Variants in ARL15 observed in about 807,000 individuals in gnomAD.
The protein encoded by ARL15 is ARF like GTPase 15.
A neutral mutation model predicts 25.2 loss-of-function variants in ARL15; 19 were observed. The observed-to-expected ratio is 0.75, with a 90% CI of 0.53 to 1.10. ARL15 has a LOEUF of 1.10. Among genes scored for constraint, ARL15 ranks in the 50% least tolerant of loss-of-function variants. The pLI, the probability that ARL15 is intolerant of heterozygous loss-of-function variation, is 0.00. For synonymous variants in ARL15, 94 were observed against 86.8 expected (o/e 1.08, Z -0.46); for missense variants, 220 against 246.0 (o/e 0.89, Z 0.71).
chr5:54,113,199 T>C lies in ARL15; in HGVS notation c.462+3A>G, dbSNP rs770235548. Reference sequence around the variant, plus strand: ...AAAGAGTTGTCATGCTAATGAGACATACCTCTTGTACTGAGCGAGCTGCTG... The same window carrying C: ...AAAGAGTTGTCATGCTAATGAGACACACCTCTTGTACTGAGCGAGCTGCTG... On this transcript the variant is annotated splice_donor_region_variant and intron_variant, in intron 4 of 4. Transcript: ENST00000504924. The C allele has an allele frequency of 4.3e-6, 7 of 1,612,638 alleles. No homozygotes were observed. Among genetic ancestry groups the C allele is most frequent in the East Asian group, 4.5e-5 (2 of 44,868 alleles).
At chr5:53,952,254 T>A (rs1746999579) in intron 4 of ARL15, among the ~76,000 whole-genome samples, 1 of 152,102 alleles carries the variant, frequency 6.6e-6, no homozygotes, top group South Asian at 2.1e-4. Flanking sequence ...AGAGTGAGAC[T>A]CTGTCTCAAA....
At chr5:53,936,007 C>T (rs975687829) in intron 4 of ARL15, among the ~76,000 whole-genome samples, 3 of 152,098 alleles carry the variant, frequency 2.0e-5, no homozygotes, top group Non-Finnish European at 4.4e-5. Context: ...CCTCAGCCTC[C>T]CAAAGTGCTG....
chr5:54,161,989 A>G (rs1754414913), intron 2 of ARL15, among the ~76,000 whole-genome samples: 1 of 69,102 alleles, frequency 1.4e-5, no homozygotes, highest in Non-Finnish European at 2.6e-5. Context: ...CTTTACTTAC[A>G]CACACACATA....
chr5:54,157,986 G>A (rs771117303), intron 2 of ARL15, among the ~76,000 whole-genome samples: 1 of 152,090 alleles, frequency 6.6e-6, no homozygotes, highest in Admixed American at 6.6e-5. Context: ...CATTTGAAAG[G>A]ATTAAATGGA....
intron 1 of ARL15, among the ~76,000 whole-genome samples, chr5:54,266,062 C>T (rs1198680755): frequency 1.3e-5 from 2 of 152,208 alleles, no homozygotes; most frequent in African/African-American, 4.8e-5. Context: ...CCATGTCAGG[C>T]TTACTGCTTT....
At chr5:54,154,046 C>T (rs1754148631) in intron 3 of ARL15, among the ~76,000 whole-genome samples, 1 of 152,076 alleles carries the variant, frequency 6.6e-6, no homozygotes, top group African/African-American at 2.4e-5. Flanking sequence ...AAAACACAAC[C>T]AAAAAATGCC....
At chr5:54,275,691 A>ATT (rs111402842) in intron 1 of ARL15, among the ~76,000 whole-genome samples, 1 of 144,692 alleles carries the variant, frequency 6.9e-6, no homozygotes, top group Non-Finnish European at 1.5e-5. Context: ...TATTTTATTT[A>ATT]TTTTTTTTTT....
At chr5:54,127,372 T>C (rs1753292152) in intron 3 of ARL15, among the ~76,000 whole-genome samples, 1 of 152,068 alleles carries the variant, frequency 6.6e-6, no homozygotes. Flanking sequence ...TATACACCAA[T>C]AACAGACAAA....
At chr5:54,149,943 C>A (rs888668084) in intron 3 of ARL15, among the ~76,000 whole-genome samples, 5 of 152,076 alleles carry the variant, frequency 3.3e-5, no homozygotes, top group African/African-American at 1.2e-4. Context: ...AAATGTCCTG[C>A]GTAGGAATCA....
intron 4 of ARL15, among the ~76,000 whole-genome samples, chr5:53,958,164 T>A (rs2112139838): frequency 6.6e-6 from 1 of 151,258 alleles, no homozygotes; most frequent in South Asian, 2.1e-4. Flanking sequence ...GAGTGAAGAT[T>A]GTGCCACTGA....
chr5:53,938,175 C>T (rs1405493787), intron 4 of ARL15, among the ~76,000 whole-genome samples: 2 of 151,804 alleles, frequency 1.3e-5, no homozygotes, highest in Non-Finnish European at 2.9e-5. Flanking sequence ...ACTTGTATGG[C>T]TCTTCTAGTC....
intron 4 of ARL15, among the ~76,000 whole-genome samples, chr5:53,910,075 G>A (rs1348300200): frequency 1.3e-5 from 2 of 152,138 alleles, no homozygotes; most frequent in African/African-American, 4.8e-5. Context: ...AACCTTTCAG[G>A]CAGGCCAGAA....
chr5:54,174,909 A>C (rs1230560656), intron 1 of ARL15, among the ~76,000 whole-genome samples: 1 of 152,148 alleles, frequency 6.6e-6, no homozygotes, highest in Non-Finnish European at 1.5e-5. Context: ...AGTTTCTTTT[A>C]CTGGGCTGCG....
chr5:54,035,821 T>C (rs892898954), intron 4 of ARL15, among the ~76,000 whole-genome samples: 3 of 152,274 alleles, frequency 2.0e-5, no homozygotes, highest in Middle Eastern at 3.4e-3. Flanking sequence ...AAAACCCAAG[T>C]CCATTAAACA....
intron 4 of ARL15, among the ~76,000 whole-genome samples, chr5:54,037,445 A>C (rs1214118520): frequency 6.6e-6 from 1 of 152,096 alleles, no homozygotes; most frequent in Non-Finnish European, 1.5e-5. Flanking sequence ...AAATGTAAGA[A>C]AGTAATCATT....
intron 1 of ARL15, among the ~76,000 whole-genome samples, chr5:54,209,694 A>G (rs1200293894): frequency 6.6e-6 from 1 of 151,478 alleles, no homozygotes; most frequent in African/African-American, 2.4e-5. Context: ...CATATAATGA[A>G]AAAAAAAATC....
chr5:53,929,688 A>T (rs1485366388), intron 4 of ARL15, among the ~76,000 whole-genome samples: 1 of 152,230 alleles, frequency 6.6e-6, no homozygotes, highest in Non-Finnish European at 1.5e-5. Flanking sequence ...GAGCTTGGTC[A>T]TGGGGGACAG....
chr5:54,247,503 A>G (rs1302324649), intron 1 of ARL15, among the ~76,000 whole-genome samples: 1 of 151,984 alleles, frequency 6.6e-6, no homozygotes, highest in Non-Finnish European at 1.5e-5. Flanking sequence ...ACAAAAAACA[A>G]ATGTCACTGT....
chr5:54,123,410 C>CT (rs1753151284), intron 3 of ARL15, among the ~76,000 whole-genome samples: 1 of 152,146 alleles, frequency 6.6e-6, no homozygotes, highest in Non-Finnish European at 1.5e-5. Flanking sequence ...CACCCGGCTC[C>CT]TTTTATATTT....
Sources: gnomAD v4.1 joint callset for allele counts (sites outside exome capture counted in the v4.1 genomes callset) on GRCh38, gnomAD v4.1.1 for gene constraint, MANE v1.5 for transcripts, NCBI Gene and HGNC (gene_info 2026-07-23, HGNC 2026-07-21) for gene names.